Variants in CADM1 observed in about 807,000 individuals in gnomAD.
The protein encoded by CADM1 is TSLC-1.
A neutral mutation model predicts 53.1 loss-of-function variants in CADM1; 15 were observed. The ratio of observed to expected loss-of-function variants is 0.28; its 90% CI spans 0.19 to 0.44. The LOEUF (loss-of-function observed/expected upper bound fraction) is 0.44. Ranked by LOEUF, CADM1 falls within the 20% of genes least tolerant of loss-of-function variation. The pLI is 1.00. For synonymous variants in CADM1, 281 were observed against 243.0 expected (o/e 1.16, Z -1.45); for missense variants, 434 against 611.3 (o/e 0.71, Z 3.06).
chr11:115,252,491 T>C (rs540265649), intron 1 of CADM1, among the ~76,000 whole-genome samples: 1 of 152,362 alleles, frequency 6.6e-6, no homozygotes, highest in African/African-American at 2.4e-5. Flanking sequence ...AAAATATCTT[T>C]ATCAAACATT....
At chr11:115,295,506 T>TTTTATA (rs1489851434) in intron 1 of CADM1, among the ~76,000 whole-genome samples, 89 of 55,022 alleles carry the variant, frequency 1.6e-3, no homozygotes, top group Non-Finnish European at 1.6e-3. Context: ...TCAAGATATT[T>TTTTATA]TATATATATA....
rs115043615 is a variant in CADM1, at chr11:115,276,962, C to T, written c.125-36542G>A. ...GCGGAAAAAGAAAAGTCGATCTGTG[C>T]CGAACACTAATAAAGACCACATTTT... is the stretch of plus-strand genomic sequence containing the variant. On this transcript the variant is annotated intron_variant, in intron 1 of 11. Coordinates refer to ENST00000331581, the MANE Select transcript of CADM1 (RefSeq NM_001301043.2). Among the ~76,000 whole-genome samples the T allele has an allele frequency of 8.9e-3, 1,355 of 152,278 alleles. 22 individuals carry two copies. The highest frequency in any genetic ancestry group is 0.03 in the African/African-American group (1,258 of 41,552).
chr11:115,358,408 CAA>C (rs1431308288), intron 1 of CADM1, among the ~76,000 whole-genome samples: 2 of 152,116 alleles, frequency 1.3e-5, no homozygotes, highest in African/African-American at 2.4e-5. Context: ...TGGCAACAGA[CAA>C]GAGAGAAGAA....
chr11:115,380,226 G>A (rs140728625), intron 1 of CADM1, among the ~76,000 whole-genome samples: 2 of 152,186 alleles, frequency 1.3e-5, no homozygotes, highest in African/African-American at 2.4e-5. Flanking sequence ...ACAATCGGGG[G>A]AAGAAAGAAT....
chr11:115,325,576 CTACTCGGCACAAT>C (rs1944938630), intron 1 of CADM1, among the ~76,000 whole-genome samples: 7 of 152,234 alleles, frequency 4.6e-5, no homozygotes, highest in Admixed American at 4.6e-4. Flanking sequence ...AGACTGACTT[CTACTCGGCACAAT>C]TACATAAGAC....
rs781743108 is a variant in CADM1 at position 115,308,143 on chromosome 11, G to C, written c.125-67723C>G. ...TGTAAAAGACACAAACTCTCTCTCT[G>C]TGTGTGTGTGTGTGTGTGTGTGTGT... On this transcript the variant is annotated intron_variant, in intron 1 of 11. Coordinates refer to ENST00000331581, the MANE Select transcript of CADM1 (RefSeq NM_001301043.2). Among the ~76,000 whole-genome samples, 437 of 47,232 alleles carry C rather than the reference G, an allele frequency of 9.3e-3. 2 individuals are homozygous for C. In the East Asian group the frequency reaches 0.21, roughly 22 times the overall value. The allele number at this position is 47,232 out of a possible 152,430, so 31.0% of individuals were successfully genotyped here.
chr11:115,486,884 C>G (rs1049704751), intron 1 of CADM1, among the ~76,000 whole-genome samples: 34 of 152,266 alleles, frequency 2.2e-4, no homozygotes, highest in African/African-American at 7.2e-4. Context: ...TCCAGGCTAG[C>G]TCCCTCCTTT....
At chr11:115,210,093 G>A (rs112963367) in intron 7 of CADM1, among the ~76,000 whole-genome samples, 6 of 152,318 alleles carry the variant, frequency 3.9e-5, no homozygotes, top group East Asian at 1.9e-4. Flanking sequence ...AAGGATGAGC[G>A]TGCCCCTGCA....
intron 1 of CADM1, among the ~76,000 whole-genome samples, chr11:115,312,157 T>C (rs1393706216): frequency 6.6e-6 from 1 of 152,150 alleles, no homozygotes; most frequent in African/African-American, 2.4e-5. Flanking sequence ...GGAGCTGCTA[T>C]AATAAGTGAG....
chr11:115,209,806 T>A (rs1940868928), intron 7 of CADM1, 149 bp from the exon 8 acceptor site: 1 of 931,560 alleles, frequency 1.1e-6, no homozygotes, highest in Admixed American at 2.3e-5. Context: ...AAGATTTATG[T>A]CTTGTAATTA....
chr11:115,398,138 T>C (rs1032289628), intron 1 of CADM1, among the ~76,000 whole-genome samples: 2 of 152,224 alleles, frequency 1.3e-5, no homozygotes, highest in African/African-American at 4.8e-5. Context: ...TCCGTGAGGT[T>C]TCTGCATTCA....
At chr11:115,441,493 G>T (rs944624864) in intron 1 of CADM1, among the ~76,000 whole-genome samples, 5 of 152,132 alleles carry the variant, frequency 3.3e-5, no homozygotes, top group African/African-American at 1.2e-4. Context: ...AAAAGATTAA[G>T]CTCACTGCTT....
intron 1 of CADM1, among the ~76,000 whole-genome samples, chr11:115,431,823 T>G (rs907564785): frequency 6.6e-6 from 1 of 152,162 alleles, no homozygotes; most frequent in African/African-American, 2.4e-5. Flanking sequence ...TTTTGGTGCA[T>G]GATTTCATTG....
intron 1 of CADM1, among the ~76,000 whole-genome samples, chr11:115,295,519 T>TA (rs1435603253): frequency 1.4e-5 from 1 of 69,532 alleles, no homozygotes; most frequent in Admixed American, 1.5e-4. Flanking sequence ...TATATATATA[T>TA]ATATATATAT....
intron 1 of CADM1, among the ~76,000 whole-genome samples, chr11:115,486,024 C>T (rs1391232105): frequency 1.3e-5 from 2 of 152,188 alleles, no homozygotes; most frequent in African/African-American, 4.8e-5. Context: ...CATTCAAGTC[C>T]AAAATCAAAG....
chr11:115,267,458 G>C (rs1943173886), intron 1 of CADM1, among the ~76,000 whole-genome samples: 1 of 152,126 alleles, frequency 6.6e-6, no homozygotes, highest in African/African-American at 2.4e-5. Context: ...TACATATTCA[G>C]TTCAAATTTA....
intron 1 of CADM1, among the ~76,000 whole-genome samples, chr11:115,488,113 C>T (rs1949417192): frequency 6.6e-6 from 1 of 151,764 alleles, no homozygotes; most frequent in Non-Finnish European, 1.5e-5. Context: ...CCTCTCAAAA[C>T]TTCAACTAAT....
At chr11:115,325,261 G>A (rs116594688) in intron 1 of CADM1, among the ~76,000 whole-genome samples, 1 of 152,152 alleles carries the variant, frequency 6.6e-6, no homozygotes, top group Admixed American at 6.5e-5. Flanking sequence ...TGTAGTGAGA[G>A]AGCATCAACG....
chr11:115,451,189 A>G (rs1050218639), intron 1 of CADM1, among the ~76,000 whole-genome samples: 11 of 152,246 alleles, frequency 7.2e-5, no homozygotes, highest in African/African-American at 2.4e-4. Context: ...CATAATAAGC[A>G]GCCAATTATA....
Sources: allele counts gnomAD v4.1 joint callset (sites outside exome capture counted in the v4.1 genomes callset), GRCh38; gene constraint gnomAD v4.1.1; transcripts MANE v1.5; gene names NCBI Gene and HGNC (gene_info 2026-07-23, HGNC 2026-07-21).